MBD5: variants seen among roughly 807,000 people sequenced by gnomAD.
MBD5 encodes the protein methyl-CpG-binding domain protein 5.
In MBD5, 13 loss-of-function variants were observed where a neutral mutation model predicts 117.3. That is an observed-to-expected ratio of 0.11 (90% confidence interval 0.07 to 0.18). The LOEUF (loss-of-function observed/expected upper bound fraction) is 0.18, where lower values mean the gene tolerates loss of function less well. Among genes scored for constraint, MBD5 ranks in the 10% least tolerant of loss-of-function variants. The pLI, the probability that MBD5 is intolerant of heterozygous loss-of-function variation, is 1.00. For missense variants in MBD5, 1,879 were observed against 2,093.8 expected (o/e 0.90, Z 2.00); for synonymous variants, 727 against 766.4 (o/e 0.95, Z 0.85).
intron 4 of MBD5, among the ~76,000 whole-genome samples, chr2:148,388,168 A>G (rs559194575): frequency 7.4e-4 from 112 of 152,314 alleles, no homozygotes; most frequent in African/African-American, 2.6e-3. Flanking sequence ...TTACCTAAAT[A>G]TGTGGTAAAA....
intron 1 of MBD5, among the ~76,000 whole-genome samples, chr2:148,163,167 T>C (rs1220069611): frequency 6.6e-6 from 1 of 152,224 alleles, no homozygotes; most frequent in African/African-American, 2.4e-5. Flanking sequence ...ACATATTTTT[T>C]CTAAATGTTT....
chr2:148,490,707 C>A, intron 11 of MBD5, 113 bp downstream of exon 11: 1 of 1,320,416 alleles, frequency 7.6e-7, no homozygotes, highest in Non-Finnish European at 1.1e-6. Flanking sequence ...TTCTTCATGA[C>A]TCATTGAGGT....
At chr2:148,398,439 A>G (rs1704803746) in intron 4 of MBD5, among the ~76,000 whole-genome samples, 1 of 152,110 alleles carries the variant, frequency 6.6e-6, no homozygotes, top group East Asian at 1.9e-4. Flanking sequence ...TTTTGGCTGC[A>G]TAAATGTCTT....
At chr2:148,288,895 G>A (rs568587239) in intron 3 of MBD5, among the ~76,000 whole-genome samples, 1 of 152,156 alleles carries the variant, frequency 6.6e-6, no homozygotes, top group Non-Finnish European at 1.5e-5. Context: ...TATATATTTA[G>A]TAAGTTCTGT....
chr2:148,283,699 C>T (rs1701303785), intron 3 of MBD5, among the ~76,000 whole-genome samples: 1 of 152,158 alleles, frequency 6.6e-6, no homozygotes, highest in African/African-American at 2.4e-5. Flanking sequence ...TCTCCTCCTC[C>T]TTCACATGCA....
intron 4 of MBD5, among the ~76,000 whole-genome samples, chr2:148,391,585 A>G (rs1468104132): frequency 6.6e-6 from 1 of 152,182 alleles, no homozygotes; most frequent in African/African-American, 2.4e-5. Flanking sequence ...GATCACCTAA[A>G]ACAAGGAATG....
intron 1 of MBD5, among the ~76,000 whole-genome samples, chr2:148,115,512 G>A (rs1273347971): frequency 3.9e-5 from 6 of 152,144 alleles, no homozygotes; most frequent in Non-Finnish European, 2.9e-5. Context: ...TGGCACAGAA[G>A]AAGTACTAAA....
intron 4 of MBD5, among the ~76,000 whole-genome samples, chr2:148,420,059 T>C (rs1341303207): frequency 6.6e-6 from 1 of 152,164 alleles, no homozygotes. Flanking sequence ...AAGTGAAATA[T>C]CCCATTATGA....
intron 3 of MBD5, among the ~76,000 whole-genome samples, chr2:148,265,453 C>T (rs188024426): frequency 7.9e-4 from 120 of 152,158 alleles, no homozygotes; most frequent in African/African-American, 2.8e-3. Context: ...TATTCTGTTC[C>T]ATGGATGTAT....
chr2:148,441,311 C>T (rs1160079384), intron 4 of MBD5, among the ~76,000 whole-genome samples: 5 of 151,926 alleles, frequency 3.3e-5, no homozygotes, highest in Admixed American at 6.6e-5. Context: ...TGTGTCCATG[C>T]GTTCTCATTG....
chr2:148,348,139 T>A (rs1229602371), intron 4 of MBD5, among the ~76,000 whole-genome samples: 4 of 152,064 alleles, frequency 2.6e-5, no homozygotes, highest in Non-Finnish European at 4.4e-5. Context: ...ATGCCTTGTA[T>A]GCAGTGATAT....
chr2:148,503,805 A>G (rs1356088590), intron 12 of MBD5, among the ~76,000 whole-genome samples: 1 of 152,222 alleles, frequency 6.6e-6, no homozygotes, highest in Non-Finnish European at 1.5e-5. Context: ...TAAGGCCACT[A>G]AAATTAATAC....
At chr2:148,282,520 T>C (rs1398952625) in intron 3 of MBD5, among the ~76,000 whole-genome samples, 2 of 143,200 alleles carry the variant, frequency 1.4e-5, no homozygotes, top group East Asian at 4.1e-4. Flanking sequence ...TCTCAAAAAC[T>C]CATGTTGTTC....
intron 12 of MBD5, among the ~76,000 whole-genome samples, chr2:148,507,578 T>C (rs1373465562): frequency 2.0e-5 from 3 of 150,112 alleles, no homozygotes; most frequent in African/African-American, 7.4e-5. Context: ...GCTAACACGG[T>C]GAAACCCCGT....
At chr2:148,448,811 A>G (rs760645072) in intron 4 of MBD5, among the ~76,000 whole-genome samples, 1 of 152,064 alleles carries the variant, frequency 6.6e-6, no homozygotes. Flanking sequence ...TGACGTTCAT[A>G]TATCAAGCTG....
Position 148,490,482 on chromosome 2 carries a change from A to T in MBD5, c.4850A>T (p.Asn1617Ile), listed in dbSNP as rs753754490. The stretch of plus-strand genomic sequence containing the variant: ...ATACATTATAGACCAAGGACGTTCA[A>T]TGTTGGCGACTTGGTCTGGGGCCAA... ...ELIHYRPRTF[N>I]VGDLVWGQIK... is the part of the protein sequence containing the mutation. Residue 1617 changes from asparagine (N) to isoleucine (I), a missense_variant, in exon 11 of 14, where the codon AAT becomes ATT. Coordinates refer to ENST00000642680, the MANE Select transcript of MBD5 (RefSeq NM_001378120.1). The T allele has an allele frequency of 6.2e-7, 1 of 1,614,208 alleles. No homozygotes were observed. Among genetic ancestry groups the T allele is most frequent in the Non-Finnish European group, 8.5e-7 (1 of 1,180,040 alleles).
intron 1 of MBD5, among the ~76,000 whole-genome samples, chr2:148,116,647 A>T (rs976988534): frequency 6.6e-6 from 1 of 152,134 alleles, no homozygotes; most frequent in African/African-American, 2.4e-5. Context: ...TGCTTTATTG[A>T]CACAATTCCT....
At chr2:148,114,325 C>A (rs1322610945) in intron 1 of MBD5, among the ~76,000 whole-genome samples, 1 of 151,970 alleles carries the variant, frequency 6.6e-6, no homozygotes, top group Non-Finnish European at 1.5e-5. Context: ...CAGAAATTAG[C>A]CAGGTGTGGT....
intron 4 of MBD5, among the ~76,000 whole-genome samples, chr2:148,378,220 A>C (rs1386078156): frequency 6.6e-6 from 1 of 152,104 alleles, no homozygotes; most frequent in Non-Finnish European, 1.5e-5. Flanking sequence ...TTTATATATT[A>C]ATCCTTAACT....
Sources: gnomAD v4.1 joint callset for allele counts (sites outside exome capture counted in the v4.1 genomes callset) on GRCh38, gnomAD v4.1.1 for gene constraint, MANE v1.5 for transcripts, NCBI Gene and HGNC (gene_info 2026-07-23, HGNC 2026-07-21) for gene names.